The following MAJIN variants were observed in gnomAD, a reference collection of about 807,000 sequenced individuals.
MAJIN encodes membrane anchored junction protein, also known as membrane-anchored junction protein.
In MAJIN, 27 loss-of-function variants were observed where a neutral mutation model predicts 30.2. The observed-to-expected ratio is 0.89, with a 90% confidence interval of 0.66 to 1.23. The LOEUF is 1.23. Among genes scored for constraint, MAJIN ranks in the 50% most tolerant of loss-of-function variants. The pLI is 0.00. For synonymous variants in MAJIN, 78 were observed against 91.6 expected (o/e 0.85, Z 0.85); for missense variants, 253 against 260.3 (o/e 0.97, Z 0.19).
chr11:64,941,883 A>G (rs1379894545), intron 8 of MAJIN, among the ~76,000 whole-genome samples: 1 of 152,188 alleles, frequency 6.6e-6, no homozygotes, highest in African/African-American at 2.4e-5. Context: ...ATGATGTATG[A>G]GGGTACAGTG....
chr11:64,951,775 A>C (rs977073806), intron 4 of MAJIN, among the ~76,000 whole-genome samples: 9 of 152,168 alleles, frequency 5.9e-5, no homozygotes, highest in Admixed American at 4.6e-4. Context: ...AAAAAAAAAA[A>C]AAAAAAAAAA....
intron 4 of MAJIN, 195 bp downstream of exon 4, chr11:64,954,562 G>A (rs1344813445): frequency 1.4e-6 from 1 of 698,772 alleles, no homozygotes; most frequent in Admixed American, 2.0e-5. Context: ...ATTTCAACTA[G>A]GAAAACTGAG....
rs1945636209 is a variant in MAJIN at position 64,956,592 on chromosome 11, T to G, written c.102-1790A>C. 4.0e-5 allele frequency among the ~76,000 whole-genome samples: 6 copies of G among 151,848 alleles called. No individual in the cohort carries two copies. In the South Asian group the frequency reaches 1.2e-3, roughly 31 times the overall value. ...AACAGAGTTCAAAAAGTTCATGACA[T>G]AATTTCAGATTCCACATTGCAACTA... On this transcript the variant is annotated intron_variant, in intron 3 of 10. Transcript: ENST00000301896.
intron 1 of MAJIN, among the ~76,000 whole-genome samples, chr11:64,960,633 A>T (rs568636502): frequency 2.0e-4 from 30 of 152,276 alleles, no homozygotes; most frequent in African/African-American, 6.3e-4. Context: ...ATAAACATAA[A>T]ATCACTTTTT....
At chr11:64,963,062 G>A (rs1945752894) in intron 1 of MAJIN, among the ~76,000 whole-genome samples, 2 of 152,194 alleles carry the variant, frequency 1.3e-5, no homozygotes, top group African/African-American at 2.4e-5. Flanking sequence ...AGGTTGCGGA[G>A]GTTGCAGTGA....
At chr11:64,940,888 G>A (rs1467503446) in intron 8 of MAJIN, among the ~76,000 whole-genome samples, 2 of 128,432 alleles carry the variant, frequency 1.6e-5, no homozygotes, top group Non-Finnish European at 3.1e-5. Flanking sequence ...ACCCAGGCTG[G>A]AGTGCAGTGG....
chr11:64,947,614 G>A (rs1945471176), intron 7 of MAJIN, 149 bp from the exon 8 acceptor site: 1 of 1,048,206 alleles, frequency 9.5e-7, no homozygotes. Context: ...TTCTGTTAGA[G>A]ACATGGTCTC....
At chr11:64,941,571 C>T (rs936167675) in intron 8 of MAJIN, among the ~76,000 whole-genome samples, 5 of 152,090 alleles carry the variant, frequency 3.3e-5, no homozygotes, top group Non-Finnish European at 4.4e-5. Context: ...GCAGGAGAAT[C>T]GCTTGAACCC....
At chr11:64,962,454 A>G (rs908342086) in intron 1 of MAJIN, among the ~76,000 whole-genome samples, 16 of 150,562 alleles carry the variant, frequency 1.1e-4, no homozygotes, top group African/African-American at 3.9e-4. Context: ...CCCAGTAACT[A>G]TTATTAAGTT....
intron 1 of MAJIN, among the ~76,000 whole-genome samples, chr11:64,961,407 T>C (rs558335374): frequency 1.6e-3 from 240 of 151,568 alleles, no homozygotes; most frequent in Non-Finnish European, 3.0e-3. Context: ...CCTCAGGTGA[T>C]CTGCCTGCTT....
intron 1 of MAJIN, among the ~76,000 whole-genome samples, chr11:64,965,266 G>A (rs240572): frequency 0.75 from 114,584 of 151,990 alleles, 43,398 homozygotes; most frequent in African/African-American, 0.77. Context: ...GTCAAACTTA[G>A]TTTTGTTTTG....
chr11:64,947,724 G>T (rs1048004016), intron 7 of MAJIN, 64 bp downstream of exon 7: 1 of 1,532,060 alleles, frequency 6.5e-7, no homozygotes, highest in Non-Finnish European at 9.0e-7. Flanking sequence ...GCAAGAGCAG[G>T]ACTTTTTGGA....
At chr11:64,947,279 A>C in intron 8 of MAJIN, 95 bp downstream of exon 8, 1 of 1,064,252 alleles carries the variant, frequency 9.4e-7, no homozygotes, top group Non-Finnish European at 1.3e-6. Flanking sequence ...CCTGCAAAAG[A>C]AAGTGACTCG....
chr11:64,961,810 A>G (rs1945731773), intron 1 of MAJIN, among the ~76,000 whole-genome samples: 1 of 139,902 alleles, frequency 7.1e-6, no homozygotes, highest in African/African-American at 2.7e-5. Flanking sequence ...TTTTTAAGAG[A>G]CAGGGTCTTG....
At chr11:64,957,206 G>A (rs953428649) in intron 3 of MAJIN, among the ~76,000 whole-genome samples, 16 of 151,832 alleles carry the variant, frequency 1.1e-4, no homozygotes, top group African/African-American at 3.9e-4. Flanking sequence ...AGCCTTCCAA[G>A]CAGCTGGGAT....
In MAJIN at chr11:64,961,979, G is replaced by T. The variant is rs527352573; in HGVS notation, c.-64-1844C>A. 2.6e-5 allele frequency among the ~76,000 whole-genome samples: 4 copies of T among 152,006 alleles called. No homozygotes were observed. The South Asian group carries it at 6.2e-4, about 24-fold the overall frequency. On this transcript the variant is annotated intron_variant, in intron 1 of 10. Coordinates refer to ENST00000301896, the MANE Select transcript of MAJIN (RefSeq NM_001037225.3). ...AATTTTTAAAATTTTTGGAGACAGG[G>T]TCTCACTATGTTGCCCAGGCTAGTC...
intron 3 of MAJIN, among the ~76,000 whole-genome samples, chr11:64,958,549 G>A (rs1231752871): frequency 3.4e-5 from 5 of 145,842 alleles, no homozygotes; most frequent in South Asian, 2.2e-4. Context: ...AGCCCAGCAG[G>A]TCAAGGCTGC....
At chr11:64,948,907 G>A (rs950183896) in intron 6 of MAJIN, among the ~76,000 whole-genome samples, 1 of 148,224 alleles carries the variant, frequency 6.7e-6, no homozygotes, top group African/African-American at 2.5e-5. Context: ...TCTTGCCTCG[G>A]CCTCCCAAAG....
chr11:64,970,389 C>T (rs528267240), intron 1 of MAJIN, among the ~76,000 whole-genome samples: 3 of 66,894 alleles, frequency 4.5e-5, no homozygotes, highest in East Asian at 4.1e-4. Context: ...TTTTTTGAGA[C>T]GGAGTCTTGT....
Sources: allele counts gnomAD v4.1 joint callset (sites outside exome capture counted in the v4.1 genomes callset), GRCh38; gene constraint gnomAD v4.1.1; transcripts MANE v1.5; gene names NCBI Gene and HGNC (gene_info 2026-07-23, HGNC 2026-07-21).